Variants in MMS22L observed in about 807,000 individuals in gnomAD.
MMS22L encodes the protein protein MMS22-like.
A neutral mutation model predicts 159.1 loss-of-function variants in MMS22L; 74 were observed. The observed-to-expected ratio is 0.47, with a 90% CI of 0.39 to 0.56. The LOEUF (loss-of-function observed/expected upper bound fraction) is 0.56. MMS22L is among the 20% of genes least tolerant of loss of function. The probability of loss-of-function intolerance (pLI) is 0.00; values close to 1 mark genes in which losing one functional copy is unlikely to be tolerated. For missense variants in MMS22L, 1,351 were observed against 1,422.1 expected, an observed-to-expected ratio of 0.95 and a Z score of 0.80; for synonymous variants, 517 against 506.9, an observed-to-expected ratio of 1.02 and a Z score of -0.27.
chr6:97,162,276 T>G, intron 21 of MMS22L, 111 bp from the exon 22 acceptor site: 1 of 773,808 alleles, frequency 1.3e-6, no homozygotes, highest in Non-Finnish European at 2.0e-6. Context: ...ATTAATACAG[T>G]GCCACTTGTA....
intron 10 of MMS22L, among the ~76,000 whole-genome samples, chr6:97,248,868 A>G (rs1296862699): frequency 6.6e-6 from 1 of 152,116 alleles, no homozygotes; most frequent in Non-Finnish European, 1.5e-5. Flanking sequence ...CAAAAAAAAA[A>G]AAAAGATCTG....
intron 20 of MMS22L, among the ~76,000 whole-genome samples, chr6:97,165,668 T>C (rs1009428714): frequency 6.6e-6 from 1 of 152,152 alleles, no homozygotes; most frequent in Non-Finnish European, 1.5e-5. Context: ...TAACTAAGCA[T>C]GTGTGTCTGA....
rs989390398 is a variant in MMS22L at position 97,144,636 on chromosome 6, T to C, written c.*2170A>G. 1 of 152,062 alleles carries C rather than the reference T, an allele frequency of 6.6e-6. No individual in the cohort carries two copies. Among genetic ancestry groups the C allele is most frequent in the Non-Finnish European group, 1.5e-5 (1 of 68,036 alleles). The allele number at this position is 152,062 out of a possible 1,614,324, so 9.4% of individuals were successfully genotyped here. A position where few individuals can be genotyped will look rare whatever the true frequency, so the allele number is the denominator to read the frequency against. ...AGCAGCCTCAGAAATTACAGGGTAT[T>C]TAGGGAAAGTGGCTATTAAAGAAGC... On this transcript the variant is annotated 3_prime_UTR_variant, in exon 25 of 25. Coordinates refer to ENST00000683635, the MANE Select transcript of MMS22L (RefSeq NM_001350599.2).
chr6:97,230,262 AT>A (rs754272802), intron 13 of MMS22L: 160 of 104,624 alleles, frequency 1.5e-3, no homozygotes, highest in Middle Eastern at 5.9e-3. Context: ...ACGCTTGGCT[AT>A]TTTTTTTTTT....
At chr6:97,252,264 T>A (rs1000928175) in intron 10 of MMS22L, among the ~76,000 whole-genome samples, 1 of 151,996 alleles carries the variant, frequency 6.6e-6, no homozygotes, top group African/African-American at 2.4e-5. Flanking sequence ...TACTACGCAC[T>A]CAAAAAAGTG....
At chr6:97,231,352 C>T in intron 13 of MMS22L, 74 bp downstream of exon 13, 2 of 1,087,914 alleles carry the variant, frequency 1.8e-6, no homozygotes, top group Non-Finnish European at 2.7e-6. Context: ...CCCAAGTAAA[C>T]ATAACAAAAT....
intron 9 of MMS22L, chr6:97,258,904 C>G (rs1162187565): frequency 6.6e-6 from 1 of 152,134 alleles, no homozygotes; most frequent in Non-Finnish European, 1.5e-5. Context: ...TCAGTTGTTT[C>G]TGTTATATTC....
chr6:97,161,069 G>C lies in MMS22L; in HGVS notation c.3385+933C>G, dbSNP rs1489692897. Among the ~76,000 whole-genome samples the C allele has an allele frequency of 2.0e-5, 3 of 152,150 alleles. No homozygotes were observed. The East Asian group carries it at 5.8e-4, about 29-fold the overall frequency. On this transcript the variant is annotated intron_variant, in intron 22 of 24. Transcript: ENST00000683635. ...CAATATCTGACTGCTCTCACTGGCAGTTCCTGTGGCCTGCTTTTATTCTCA... is the reference window on the plus strand; with the variant it reads ...CAATATCTGACTGCTCTCACTGGCACTTCCTGTGGCCTGCTTTTATTCTCA...
At chr6:97,259,970 T>G (rs996098342) in intron 9 of MMS22L, 3 of 152,148 alleles carry the variant, frequency 2.0e-5, no homozygotes, top group African/African-American at 7.2e-5. Flanking sequence ...GGCTCACACT[T>G]TTTCATTGAG....
At chr6:97,240,558 C>A (rs538715783) in intron 11 of MMS22L, among the ~76,000 whole-genome samples, 2 of 151,794 alleles carry the variant, frequency 1.3e-5, no homozygotes, top group Admixed American at 6.6e-5. Flanking sequence ...TGAATAAGTT[C>A]TTTAGTGGTG....
At chr6:97,195,638 T>C (rs1052561875) in intron 14 of MMS22L, among the ~76,000 whole-genome samples, 2 of 152,164 alleles carry the variant, frequency 1.3e-5, no homozygotes, top group Non-Finnish European at 2.9e-5. Flanking sequence ...GATACAAAAA[T>C]GGTTAATCCT....
rs190977069 is a variant in MMS22L at position 97,194,119 on chromosome 6, G to A, written c.2040-7429C>T. Among the ~76,000 whole-genome samples the A allele has an allele frequency of 1.6e-4, 24 of 150,008 alleles. No individual in the cohort carries two copies. In the East Asian group the frequency reaches 1.6e-3, roughly 10 times the overall value. ...TGGTGCCAGGCTGGAGCGCAGTGGCGCCATCTCAGCTCACTGCAACCTCCA... is the reference window on the plus strand; with the variant it reads ...TGGTGCCAGGCTGGAGCGCAGTGGCACCATCTCAGCTCACTGCAACCTCCA... On this transcript the variant is annotated intron_variant, in intron 14 of 24. Coordinates refer to ENST00000683635, the MANE Select transcript of MMS22L (RefSeq NM_001350599.2).
intron 9 of MMS22L, among the ~76,000 whole-genome samples, chr6:97,255,683 T>C (rs1813722043): frequency 6.6e-6 from 1 of 152,104 alleles, no homozygotes; most frequent in Non-Finnish European, 1.5e-5. Flanking sequence ...TGTTATTTAC[T>C]TTGGAATATT....
chr6:97,200,755 A>G (rs1169050386), intron 14 of MMS22L, among the ~76,000 whole-genome samples: 4 of 152,170 alleles, frequency 2.6e-5, no homozygotes, highest in African/African-American at 9.6e-5. Flanking sequence ...ATAGGAGCAG[A>G]TATAATGTCA....
intron 10 of MMS22L, chr6:97,254,170 G>GT (rs1813531245): frequency 6.3e-6 from 1 of 157,906 alleles, no homozygotes; most frequent in Admixed American, 6.2e-5. Context: ...ACAAAAATAA[G>GT]TAATTCATTC....
At chr6:97,156,586 A>G (rs1361480548) in intron 22 of MMS22L, among the ~76,000 whole-genome samples, 1 of 152,020 alleles carries the variant, frequency 6.6e-6, no homozygotes, top group East Asian at 1.9e-4. Flanking sequence ...TCCTTTCCCC[A>G]TTGCTTGTGT....
At chr6:97,264,728 A>G (rs1169171196) in intron 8 of MMS22L, 1 of 152,186 alleles carries the variant, frequency 6.6e-6, no homozygotes, top group Non-Finnish European at 1.5e-5. Context: ...ACAAAATACC[A>G]TAGCATTTCT....
At chr6:97,203,701 T>A (rs1483493000) in intron 14 of MMS22L, among the ~76,000 whole-genome samples, 1 of 152,116 alleles carries the variant, frequency 6.6e-6, no homozygotes, top group African/African-American at 2.4e-5. Context: ...TTGAAGCAAG[T>A]CTCTACCTAA....
At chr6:97,259,823 TTTAGTTTCTAC>T (rs1428415543) in intron 9 of MMS22L, 1 of 152,134 alleles carries the variant, frequency 6.6e-6, no homozygotes. Flanking sequence ...TATATAAGAA[TTTAGTTTCTAC>T]TATACTATTA....
Sources: allele counts gnomAD v4.1 joint callset (sites outside exome capture counted in the v4.1 genomes callset), GRCh38; gene constraint gnomAD v4.1.1; transcripts MANE v1.5; gene names NCBI Gene and HGNC (gene_info 2026-07-23, HGNC 2026-07-21).